Variants in PCDHA8 observed in about 807,000 individuals in gnomAD.
PCDHA8 encodes the protein protocadherin alpha-8.
A neutral mutation model predicts 61.8 loss-of-function variants in PCDHA8; 53 were observed. That is an observed-to-expected ratio of 0.86 (90% CI 0.69 to 1.08). The LOEUF is 1.08. Among genes scored for constraint, PCDHA8 ranks in the 50% least tolerant of loss-of-function variants. PCDHA8 has a pLI of 0.00. For synonymous variants in PCDHA8, 618 were observed against 556.6 expected (o/e 1.11, Z -1.55); for missense variants, 1,293 against 1,245.0 (o/e 1.04, Z -0.58).
chr5:140,973,331 TGTAAAGTGACATAGTA>T (rs782725271), intron 1 of PCDHA8, among the ~76,000 whole-genome samples: 2 of 152,218 alleles, frequency 1.3e-5, no homozygotes, highest in Non-Finnish European at 2.9e-5. Context: ...TTACACTCGT[TGTAAAGTGACATAGTA>T]GTGAATTTAT....
At chr5:140,977,703 A>G (rs1407162368) in intron 1 of PCDHA8, among the ~76,000 whole-genome samples, 1 of 152,192 alleles carries the variant, frequency 6.6e-6, no homozygotes, top group Non-Finnish European at 1.5e-5. Context: ...ATCTGTCTGA[A>G]TATTGAGATG....
intron 1 of PCDHA8, chr5:140,862,524 C>T: frequency 4.8e-6 from 2 of 417,532 alleles, no homozygotes; most frequent in Middle Eastern, 9.1e-4. Context: ...TTGTTGGCCA[C>T]AGCCATCGGG....
intron 1 of PCDHA8, chr5:140,869,167 G>T (rs782094054): frequency 1.2e-6 from 2 of 1,613,864 alleles, no homozygotes; most frequent in East Asian, 4.5e-5. Flanking sequence ...TCTCCTCCTC[G>T]AATTCTGGGA....
At chr5:140,905,197 T>A (rs2071673542) in intron 1 of PCDHA8, among the ~76,000 whole-genome samples, 1 of 152,220 alleles carries the variant, frequency 6.6e-6, no homozygotes. Flanking sequence ...TTGATCCATC[T>A]TGAGTTGATT....
intron 1 of PCDHA8, chr5:140,967,690 C>G (rs782694266): frequency 6.2e-7 from 1 of 1,614,190 alleles, no homozygotes; most frequent in Non-Finnish European, 8.5e-7. Flanking sequence ...GGCAGCTCTT[C>G]AGCATAGATG....
chr5:140,869,219 C>A (rs543814850), intron 1 of PCDHA8: 1 of 1,613,836 alleles, frequency 6.2e-7, no homozygotes, highest in African/African-American at 1.3e-5. Context: ...TCGGAGGAGG[C>A]CAAACACGGC....
At chr5:140,888,213 T>A (rs1460298215) in intron 1 of PCDHA8, among the ~76,000 whole-genome samples, 1 of 152,170 alleles carries the variant, frequency 6.6e-6, no homozygotes, top group East Asian at 1.9e-4. Context: ...CTGGATTTTG[T>A]GTGTGTGTGC....
At position 140,842,682 on chromosome 5, in the gene PCDHA8, C is replaced by G; in HGVS notation, c.1361C>G (p.Ala454Gly). The G allele has an allele frequency of 6.3e-7, 1 of 1,595,358 alleles. No individual in the cohort carries two copies. The change falls in exon 1 of 4, where the codon GCG becomes GGG. Residue 454 changes from alanine (A) to glycine (G), a missense_variant. Transcript: ENST00000531613. ...EVADVNDNAPAFAQPEYTVFV... is the reference protein window; with the variant it reads ...EVADVNDNAPGFAQPEYTVFV... Reference sequence around the variant, plus strand: ...GCCGACGTGAACGACAATGCTCCGGCGTTCGCGCAGCCCGAGTACACGGTG... The same window carrying G: ...GCCGACGTGAACGACAATGCTCCGGGGTTCGCGCAGCCCGAGTACACGGTG...
In PCDHA8 at chr5:140,843,355, G is replaced by T. The variant is rs1554139992; in HGVS notation, c.2034G>T (p.Ala678=). 3 of 1,596,010 alleles carry T rather than the reference G, an allele frequency of 1.9e-6. No homozygotes were observed. Among genetic ancestry groups the T allele is most frequent in the Admixed American group, 1.7e-5 (1 of 59,298 alleles). Residue 678 remains alanine (A), a synonymous_variant, in exon 1 of 4, where the codon GCG becomes GCT. Coordinates refer to ENST00000531613, the MANE Select transcript of PCDHA8 (RefSeq NM_018911.3). ...SLVESGQAPK[A]SSRQSAGVLG... ...TGGAGAGCGGCCAGGCTCCAAAAGC[G>T]TCATCGAGGCAGTCGGCTGGCGTTT...
chr5:140,979,355 T>C (rs1437499560), intron 2 of PCDHA8, among the ~76,000 whole-genome samples: 6 of 152,206 alleles, frequency 3.9e-5, no homozygotes, highest in African/African-American at 1.4e-4. Flanking sequence ...TTAATACTCA[T>C]GCTTTGAGAC....
At chr5:140,969,057 T>G in intron 1 of PCDHA8, 2 of 1,614,162 alleles carry the variant, frequency 1.2e-6, no homozygotes, top group Non-Finnish European at 1.7e-6. Context: ...AACAACAATA[T>G]TGATGCCAGG....
At chr5:140,957,897 C>A (rs1563294637) in intron 1 of PCDHA8, among the ~76,000 whole-genome samples, 2 of 151,908 alleles carry the variant, frequency 1.3e-5, no homozygotes, top group East Asian at 3.9e-4. Context: ...TGGCATCAAC[C>A]AAGGCATATT....
At position 140,843,511 on chromosome 5, in the gene PCDHA8, C is replaced by A. The variant is rs2150361432; in HGVS notation, c.2190C>A (p.Gly730=). The change falls in exon 1 of 4, where the codon GGC becomes GGA. Residue 730 remains glycine, a synonymous_variant. Coordinates refer to ENST00000531613, the MANE Select transcript of PCDHA8 (RefSeq NM_018911.3). The part of the protein sequence containing the change: ...ALRCSALPTE[G]GCRAGKPTLV... ...GGTGCTCAGCACTGCCCACTGAGGGCGGGTGCCGGGCGGGCAAGCCCACTC... is the reference window on the plus strand; with the variant it reads ...GGTGCTCAGCACTGCCCACTGAGGGAGGGTGCCGGGCGGGCAAGCCCACTC... 1.9e-6 allele frequency: 3 copies of A among 1,595,670 alleles called. No individual in the cohort carries two copies. The highest frequency in any genetic ancestry group is 2.2e-5 in the East Asian group (1 of 44,798).
chr5:140,869,205 C>G, intron 1 of PCDHA8: 1 of 1,613,994 alleles, frequency 6.2e-7, no homozygotes. Flanking sequence ...TCCACTACTC[C>G]GTCTCGGAGG....
At chr5:140,959,800 G>A (rs193288186) in intron 1 of PCDHA8, among the ~76,000 whole-genome samples, 1 of 152,080 alleles carries the variant, frequency 6.6e-6, no homozygotes, top group Admixed American at 6.5e-5. Context: ...CTAATTTAGA[G>A]GATTTATATT....
intron 1 of PCDHA8, among the ~76,000 whole-genome samples, chr5:140,931,965 CAT>C (rs1195736359): frequency 6.6e-6 from 1 of 151,852 alleles, no homozygotes; most frequent in African/African-American, 2.4e-5. Context: ...CATGTTGATG[CAT>C]ATGTGTTTAT....
intron 1 of PCDHA8, among the ~76,000 whole-genome samples, chr5:140,920,866 A>G (rs1584205398): frequency 6.6e-6 from 1 of 151,760 alleles, no homozygotes; most frequent in African/African-American, 2.4e-5. Context: ...AAACAAACAA[A>G]CTGTGGCCCT....
rs372058384 is a variant in PCDHA8, at chr5:140,875,718, C to T, written c.2394+32003C>T. ...TTCTGGAGGTAAATCTGCAGAATGGCATTTTGTTTGTGAATTCTCGGATCG... is the reference window on the plus strand; with the variant it reads ...TTCTGGAGGTAAATCTGCAGAATGGTATTTTGTTTGTGAATTCTCGGATCG... On this transcript the variant is annotated intron_variant, in intron 1 of 3. Coordinates refer to ENST00000531613, the MANE Select transcript of PCDHA8 (RefSeq NM_018911.3). 2.4e-5 allele frequency: 38 copies of T among 1,614,182 alleles called. 1 individual carries two copies. The highest frequency in any genetic ancestry group is 2.7e-5 in the Non-Finnish European group (32 of 1,180,048).
Position 140,849,460 on chromosome 5 carries a change from C to T in PCDHA8, c.2394+5745C>T, listed in dbSNP as rs144662587. The T allele has an allele frequency of 6.9e-6, 11 of 1,588,102 alleles. 3 individuals are homozygous for T. Among genetic ancestry groups the T allele is most frequent in the Non-Finnish European group, 9.5e-6 (11 of 1,161,646 alleles). On this transcript the variant is annotated intron_variant, in intron 1 of 3. Transcript: ENST00000531613. ...AGAGCACACAAGATCCCAGTCGAGG[C>T]TGTCGATAAAGGCTTCCCACCCCTG...
Sources: gnomAD v4.1 joint callset for allele counts (sites outside exome capture counted in the v4.1 genomes callset) on GRCh38, gnomAD v4.1.1 for gene constraint, MANE v1.5 for transcripts, NCBI Gene and HGNC (gene_info 2026-07-23, HGNC 2026-07-21) for gene names.